The following ZNF516 variants were observed in gnomAD, a reference collection of about 807,000 sequenced individuals.
ZNF516 encodes zinc finger protein 516.
ZNF516 carries 19 observed loss-of-function variants against 79.7 expected under a neutral mutation model. That is an observed-to-expected ratio of 0.24 (90% CI 0.17 to 0.35). The LOEUF (loss-of-function observed/expected upper bound fraction) is 0.35. ZNF516 is among the 10% of genes least tolerant of loss of function. The pLI is 1.00. For missense variants in ZNF516, 1,678 were observed against 1,679.5 expected, an observed-to-expected ratio of 1.00 and a Z score of 0.02; for synonymous variants, 877 against 739.5, an observed-to-expected ratio of 1.19 and a Z score of -3.02.
rs772847612 is a variant in ZNF516, at chr18:76,441,297, G to A, written c.1758C>T (p.Ala586=). The change falls in exon 3 of 7, where the codon GCC becomes GCT. Residue 586 remains alanine, a synonymous_variant. Coordinates refer to ENST00000443185, the MANE Select transcript of ZNF516 (RefSeq NM_014643.4). ...CACCACTGTCTTCGGCAGCCTCGTCGGCCAGGCCAGAGCCCGGGGAGTCAG... is the reference window on the plus strand; with the variant it reads ...CACCACTGTCTTCGGCAGCCTCGTCAGCCAGGCCAGAGCCCGGGGAGTCAG... ...AAADSPGSGL[A]DEAAEDSGEE... 5.0e-6 allele frequency: 8 copies of A among 1,611,172 alleles called. No individual in the cohort carries two copies. In the East Asian group the frequency reaches 8.9e-5, roughly 18 times the overall value.
intron 1 of ZNF516, among the ~76,000 whole-genome samples, chr18:76,488,513 A>G (rs1272719994): frequency 1.7e-5 from 2 of 116,552 alleles, no homozygotes; most frequent in African/African-American, 2.8e-5. Context: ...CACAGCTTCT[A>G]GAACTTTTGA....
intron 2 of ZNF516, among the ~76,000 whole-genome samples, chr18:76,446,686 A>G (rs1912070952): frequency 1.3e-5 from 2 of 152,218 alleles, no homozygotes; most frequent in African/African-American, 4.8e-5. Flanking sequence ...GAGCCCTGCA[A>G]TTTACAGGCA....
At chr18:76,433,604 A>G (rs561580232) in intron 3 of ZNF516, among the ~76,000 whole-genome samples, 1 of 152,202 alleles carries the variant, frequency 6.6e-6, no homozygotes, top group African/African-American at 2.4e-5. Context: ...TCCGGGTCAC[A>G]GCAAGGTGGA....
intron 1 of ZNF516, among the ~76,000 whole-genome samples, chr18:76,494,121 C>T (rs1222272995): frequency 6.6e-6 from 1 of 152,190 alleles, no homozygotes; most frequent in East Asian, 1.9e-4. Flanking sequence ...TGCGGGGGTC[C>T]ACTGGCTTTC....
At chr18:76,421,384 C>T (rs2075505361) in intron 3 of ZNF516, among the ~76,000 whole-genome samples, 1 of 152,166 alleles carries the variant, frequency 6.6e-6, no homozygotes, top group Non-Finnish European at 1.5e-5. Flanking sequence ...GGCAGTTGCT[C>T]CAGGGCTTCG....
chr18:76,386,056 G>GC, intron 3 of ZNF516: 1 of 152,318 alleles, frequency 6.6e-6, no homozygotes, highest in East Asian at 1.9e-4. Flanking sequence ...TCTCATTTCT[G>GC]CCCCTCTATA....
chr18:76,490,456 G>A (rs1211529856), intron 1 of ZNF516, among the ~76,000 whole-genome samples: 1 of 152,090 alleles, frequency 6.6e-6, no homozygotes, highest in African/African-American at 2.4e-5. Context: ...TATTTTACAC[G>A]GCAGTAGCCA....
chr18:76,458,013 C>T (rs932600819), intron 2 of ZNF516, among the ~76,000 whole-genome samples: 1 of 152,160 alleles, frequency 6.6e-6, no homozygotes, highest in African/African-American at 2.4e-5. Context: ...TGATATCCAC[C>T]TCGGCTGGAT....
In ZNF516 at chr18:76,467,577, G is replaced by C. The variant is rs1490744507; in HGVS notation, c.-271-4436C>G. On this transcript the variant is annotated intron_variant, in intron 1 of 6. Coordinates refer to ENST00000443185, the MANE Select transcript of ZNF516 (RefSeq NM_014643.4). This position sits in a 1 kb window ranked among gnomAD's most constrained non-coding sequence, Gnocchi z 4.2. Reference sequence around the variant, plus strand: ...CAGTCAAGGAGGGGACAAGGCTTCGGAGGCTGGTGGTGGGGAGGTCCAAAC... The same window carrying C: ...CAGTCAAGGAGGGGACAAGGCTTCGCAGGCTGGTGGTGGGGAGGTCCAAAC... Among the ~76,000 whole-genome samples the C allele has an allele frequency of 6.6e-6, 1 of 152,256 alleles. No homozygotes were observed. The highest frequency in any genetic ancestry group is 2.1e-4 in the South Asian group (1 of 4,820).
intron 6 of ZNF516, among the ~76,000 whole-genome samples, chr18:76,363,807 G>A (rs865960129): frequency 6.6e-6 from 1 of 152,206 alleles, no homozygotes; most frequent in African/African-American, 2.4e-5. Context: ...TGGTCTTCGT[G>A]TTTACCAAAG....
intron 3 of ZNF516, among the ~76,000 whole-genome samples, chr18:76,407,621 C>A (rs2075320485): frequency 6.6e-6 from 1 of 152,230 alleles, no homozygotes; most frequent in Non-Finnish European, 1.5e-5. Context: ...AAGCATCATT[C>A]TAGCAACACT....
chr18:76,379,616 G>C lies in ZNF516; in HGVS notation c.2498C>G (p.Ala833Gly). 1.9e-6 allele frequency: 3 copies of C among 1,613,664 alleles called. No individual in the cohort carries two copies. The highest frequency in any genetic ancestry group is 2.5e-6 in the Non-Finnish European group (3 of 1,179,894). The stretch of plus-strand genomic sequence containing the variant: ...TGGCACCTGAGTGCGGGTGAACCGA[G>C]CAAGGAGCAAAGGCTGGCATTCTTT... ...GGKECQPLLLARFTRTQVPGG... is the reference protein window; with the variant it reads ...GGKECQPLLLGRFTRTQVPGG... The change falls in exon 4 of 7, where the codon GCT becomes GGT. Residue 833 changes from alanine to glycine, a missense_variant. Coordinates refer to ENST00000443185, the MANE Select transcript of ZNF516 (RefSeq NM_014643.4).
At chr18:76,495,740 T>G, upstream of ZNF516, 1 of 1,175,106 alleles carries the variant, frequency 8.5e-7, no homozygotes. Flanking sequence ...ACCTGGGCAC[T>G]GCGCCCCATC....
Position 76,433,609 on chromosome 18 carries a change from G to A in ZNF516, c.1810+7636C>T, listed in dbSNP as rs148523808. On this transcript the variant is annotated intron_variant, in intron 3 of 6. Coordinates refer to ENST00000443185, the MANE Select transcript of ZNF516 (RefSeq NM_014643.4). ...GGGCATAGCATCCGGGTCACAGCAA[G>A]GTGGAGAGGGGAGAAGACGGGCAGG... Among the ~76,000 whole-genome samples, 301 of 152,312 alleles carry A rather than the reference G, an allele frequency of 2.0e-3. 2 individuals carry two copies. The highest frequency in any genetic ancestry group is 6.8e-3 in the African/African-American group (284 of 41,562).
chr18:76,473,200 A>G (rs554296337), intron 1 of ZNF516, among the ~76,000 whole-genome samples: 49 of 152,124 alleles, frequency 3.2e-4, no homozygotes, highest in Non-Finnish European at 5.9e-5. Context: ...AGAAAAGAAG[A>G]AAAAGCGAGG....
intron 2 of ZNF516, among the ~76,000 whole-genome samples, chr18:76,460,389 C>G (rs147379755): frequency 6.6e-6 from 1 of 152,336 alleles, no homozygotes; most frequent in African/African-American, 2.4e-5. Context: ...TCTCTGGTGC[C>G]TGGAATGAGC....
chr18:76,435,772 G>C (rs2145488192), intron 3 of ZNF516, among the ~76,000 whole-genome samples: 1 of 152,344 alleles, frequency 6.6e-6, no homozygotes, highest in East Asian at 1.9e-4. Flanking sequence ...AGAGCCCTCT[G>C]CAGGGCACAC....
At chr18:76,431,675 C>T (rs1312479388) in intron 3 of ZNF516, among the ~76,000 whole-genome samples, 2 of 152,282 alleles carry the variant, frequency 1.3e-5, no homozygotes, top group East Asian at 1.9e-4. Context: ...TTTCAGAGTG[C>T]GTGGCACCTT....
At chr18:76,486,804 T>C (rs1434341070) in intron 1 of ZNF516, among the ~76,000 whole-genome samples, 1 of 152,164 alleles carries the variant, frequency 6.6e-6, no homozygotes, top group Non-Finnish European at 1.5e-5. Context: ...TTACATACGA[T>C]ATACATCTCT....
Sources: gnomAD v4.1 joint callset for allele counts (sites outside exome capture counted in the v4.1 genomes callset) on GRCh38, gnomAD v4.1.1 for gene constraint, Gnocchi (gnomAD v3.1) non-coding constraint, MANE v1.5 for transcripts, NCBI Gene and HGNC (gene_info 2026-07-23, HGNC 2026-07-21) for gene names.